FRAS1: variants seen among roughly 807,000 people sequenced by gnomAD.
FRAS1 encodes the protein extracellular matrix organizing protein FRAS1.
In FRAS1, 290 loss-of-function variants were observed where a neutral mutation model predicts 435.2. That is an observed-to-expected ratio of 0.67 (90% CI 0.61 to 0.73). The LOEUF is 0.73. Among genes scored for constraint, FRAS1 ranks in the 30% least tolerant of loss-of-function variants. The probability of loss-of-function intolerance (pLI) is 0.00; values close to 1 mark genes in which losing one functional copy is unlikely to be tolerated. For synonymous variants in FRAS1, 1,800 were observed against 1,851.0 expected (o/e 0.97, Z 0.71); for missense variants, 4,860 against 5,001.5 (o/e 0.97, Z 0.85).
At chr4:78,112,690 C>T (rs574354312) in intron 2 of FRAS1, among the ~76,000 whole-genome samples, 2 of 152,114 alleles carry the variant, frequency 1.3e-5, no homozygotes, top group East Asian at 3.9e-4. Context: ...CCAAAACAAT[C>T]AAATGTCTAT....
intron 2 of FRAS1, among the ~76,000 whole-genome samples, chr4:78,142,764 T>G (rs1366033717): frequency 6.6e-6 from 1 of 152,208 alleles, no homozygotes; most frequent in Non-Finnish European, 1.5e-5. Context: ...TGTTCTATGT[T>G]CCATGCATTG....
At position 78,236,300 on chromosome 4, in the gene FRAS1, A is replaced by ATTTT. The variant is rs910484562; in HGVS notation, c.109-1207_109-1206insTTTT. ...ATGAAATAGTTGCATTTATTTATTT[A>ATTTT]TTTATTTATTTTTTGGCTTTGAGGT... On this transcript the variant is annotated intron_variant, in intron 2 of 73. Transcript: ENST00000512123. Among the ~76,000 whole-genome samples, 19 of 145,156 alleles carry ATTTT rather than the reference A, an allele frequency of 1.3e-4. No individual in the cohort carries two copies. The East Asian group carries it at 2.9e-3, about 22-fold the overall frequency.
intron 31 of FRAS1, among the ~76,000 whole-genome samples, chr4:78,411,519 T>G (rs1733334829): frequency 6.6e-6 from 1 of 152,166 alleles, no homozygotes; most frequent in Non-Finnish European, 1.5e-5. Context: ...GTAATGCCAG[T>G]GGGATTAGAA....
intron 70 of FRAS1, among the ~76,000 whole-genome samples, chr4:78,527,159 A>T (rs1296740997): frequency 6.6e-6 from 1 of 152,202 alleles, no homozygotes; most frequent in Non-Finnish European, 1.5e-5. Flanking sequence ...ACAGAGGCTC[A>T]TAGGAATCTA....
rs1444463412 is a variant in FRAS1 at position 78,473,613 on chromosome 4, T to A, written c.7682+16T>A. On this transcript the variant is annotated intron_variant, in intron 53 of 73. Transcript: ENST00000512123. ...AATATACCAGGTACAAGTTTTACTG[T>A]GCTTTCCTTCTTGAGAAATCAATCA... The A allele has an allele frequency of 2.6e-6, 4 of 1,546,372 alleles. No individual in the cohort carries two copies. The highest frequency in any genetic ancestry group is 3.5e-6 in the Non-Finnish European group (4 of 1,141,590).
At chr4:78,384,666 G>A (rs554747541) in intron 28 of FRAS1, among the ~76,000 whole-genome samples, 158 of 152,096 alleles carry the variant, frequency 1.0e-3, no homozygotes, top group African/African-American at 3.7e-3. Flanking sequence ...GGCTGAGGCA[G>A]GTGGATTGCT....
chr4:78,422,754 G>A (rs907608023), intron 34 of FRAS1, among the ~76,000 whole-genome samples: 9 of 152,166 alleles, frequency 5.9e-5, no homozygotes, highest in Non-Finnish European at 8.8e-5. Flanking sequence ...ACTAGGGAAT[G>A]GCTTTTCAAA....
intron 37 of FRAS1, among the ~76,000 whole-genome samples, chr4:78,430,961 G>T (rs1372454791): frequency 6.6e-6 from 1 of 152,048 alleles, no homozygotes; most frequent in Non-Finnish European, 1.5e-5. Context: ...AATAATATAT[G>T]TTTATTATTT....
At chr4:78,512,956 G>A (rs1295876400) in intron 64 of FRAS1, among the ~76,000 whole-genome samples, 2 of 152,174 alleles carry the variant, frequency 1.3e-5, no homozygotes, top group African/African-American at 4.8e-5. Context: ...ATATATTTTT[G>A]ACTCAAATAC....
chr4:78,384,271 G>T, intron 28 of FRAS1, 128 bp downstream of exon 28: 1 of 687,446 alleles, frequency 1.5e-6, no homozygotes, highest in South Asian at 2.2e-5. Flanking sequence ...TTCCTCTTGA[G>T]ATGCCACTGG....
chr4:78,218,581 A>G (rs1210826422), intron 2 of FRAS1, among the ~76,000 whole-genome samples: 1 of 152,182 alleles, frequency 6.6e-6, no homozygotes, highest in Non-Finnish European at 1.5e-5. Context: ...ATCTTGTCTA[A>G]TGGCAGATCT....
intron 16 of FRAS1, among the ~76,000 whole-genome samples, chr4:78,317,061 A>G (rs553089351): frequency 6.6e-6 from 1 of 152,366 alleles, no homozygotes; most frequent in African/African-American, 2.4e-5. Context: ...CATCTATAAA[A>G]TGTAGTTAAT....
Position 78,413,000 on chromosome 4 carries a change from T to C in FRAS1, c.4340T>C (p.Leu1447Pro). The C allele has an allele frequency of 6.2e-7, 1 of 1,609,042 alleles. No individual in the cohort carries two copies. Among genetic ancestry groups the C allele is most frequent in the Non-Finnish European group, 8.5e-7 (1 of 1,177,896 alleles). ...VSSASNAQTR[L>P]ESHMFNIAIL... is the part of the protein sequence containing the mutation. ...AGTGCCTCCAATGCCCAGACCCGCC[T>C]GGAGAGCCACATGTTCAACATCGCG... Residue 1447 changes from leucine (L) to proline (P), a missense_variant, in exon 32 of 74, where the codon CTG becomes CCG. By Grantham distance (98) the Leu-to-Pro change is moderately conservative. Transcript: ENST00000512123.
intron 2 of FRAS1, among the ~76,000 whole-genome samples, chr4:78,121,984 T>C (rs1719056886): frequency 6.6e-6 from 1 of 152,220 alleles, no homozygotes; most frequent in Non-Finnish European, 1.5e-5. Context: ...TGGCAACTTT[T>C]TTTTGTATTA....
intron 15 of FRAS1, among the ~76,000 whole-genome samples, chr4:78,309,251 A>G (rs1366926366): frequency 1.3e-5 from 2 of 152,214 alleles, no homozygotes; most frequent in Non-Finnish European, 2.9e-5. Context: ...AGGAACTTTG[A>G]TTCTAGAACT....
At position 78,482,381 on chromosome 4, in the gene FRAS1, C is replaced by T. The variant is rs765550592; in HGVS notation, c.8605-7C>T. The T allele has an allele frequency of 7.7e-5, 124 of 1,613,716 alleles. No homozygotes were observed. The highest frequency in any genetic ancestry group is 9.7e-5 in the Non-Finnish European group (115 of 1,179,766). ...CTCTGTCAAGTTTGCTTTGGTTTCT[C>T]TTCTAGTATTGCACCTTGACTATCT... On this transcript the variant is annotated splice_region_variant and splice_polypyrimidine_tract_variant and intron_variant, in intron 57 of 73. Transcript: ENST00000512123.
chr4:78,177,069 A>G (rs1721804677), intron 2 of FRAS1, among the ~76,000 whole-genome samples: 1 of 150,542 alleles, frequency 6.6e-6, no homozygotes, highest in Non-Finnish European at 1.5e-5. Flanking sequence ...AATGGGAGGG[A>G]GAGAGAGAGT....
intron 29 of FRAS1, among the ~76,000 whole-genome samples, chr4:78,397,893 G>A (rs1182738453): frequency 6.6e-6 from 1 of 152,148 alleles, no homozygotes; most frequent in Admixed American, 6.6e-5. Flanking sequence ...TGAGTTGTGC[G>A]TACTTGGAGG....
At chr4:78,177,633 A>T (rs1401135500) in intron 2 of FRAS1, among the ~76,000 whole-genome samples, 3 of 152,168 alleles carry the variant, frequency 2.0e-5, no homozygotes, top group African/African-American at 7.2e-5. Flanking sequence ...GCCGTAGGGA[A>T]GGCGGGTCTG....
Sources: gnomAD v4.1 joint callset for allele counts (sites outside exome capture counted in the v4.1 genomes callset) on GRCh38, gnomAD v4.1.1 for gene constraint, MANE v1.5 for transcripts, NCBI Gene and HGNC (gene_info 2026-07-23, HGNC 2026-07-21) for gene names.